PEX14: variants seen among roughly 807,000 people sequenced by gnomAD.
PEX14 encodes peroxisomal biogenesis factor 14.
PEX14 carries 15 observed loss-of-function variants against 49.5 expected under a neutral mutation model. The observed-to-expected ratio is 0.30, with a 90% confidence interval of 0.20 to 0.47. The LOEUF (loss-of-function observed/expected upper bound fraction) is 0.47, where lower values mean the gene tolerates loss of function less well. Among genes scored for constraint, PEX14 ranks in the 20% least tolerant of loss-of-function variants. The pLI is 1.00. For missense variants in PEX14, 398 were observed against 494.8 expected (o/e 0.80, Z 1.86); for synonymous variants, 210 against 212.7 (o/e 0.99, Z 0.11).
rs1464447733 is a variant in PEX14 at position 10,529,662 on chromosome 1, A to G, written c.85-6551A>G. Among the ~76,000 whole-genome samples the G allele has an allele frequency of 1.3e-5, 2 of 152,356 alleles. No individual in the cohort carries two copies. Among genetic ancestry groups the G allele is most frequent in the Non-Finnish European group, 1.5e-5 (1 of 68,028 alleles). On this transcript the variant is annotated intron_variant, in intron 2 of 8. Coordinates refer to ENST00000356607, the MANE Select transcript of PEX14 (RefSeq NM_004565.3). The surrounding 1 kb of genome is among the most constrained non-coding windows in gnomAD (Gnocchi z 4.2). ...CTTTTCATAAAGGCTTTTACTACAT[A>G]TATCAATGAGTTTTAAGAGAGACTA...
intron 1 of PEX14, among the ~76,000 whole-genome samples, chr1:10,483,622 G>A (rs1477308105): frequency 6.6e-6 from 1 of 151,232 alleles, no homozygotes; most frequent in East Asian, 1.9e-4. Context: ...GCCTGGCCAA[G>A]TTTTTTTTTA....
chr1:10,607,108 C>CT (rs926735187), intron 4 of PEX14, among the ~76,000 whole-genome samples: 1 of 151,750 alleles, frequency 6.6e-6, no homozygotes, highest in East Asian at 1.9e-4. Context: ...AGTTTTTTTT[C>CT]TTTTTTTAAT....
At chr1:10,530,740 C>CT (rs1302104187) in intron 2 of PEX14, among the ~76,000 whole-genome samples, 3 of 152,248 alleles carry the variant, frequency 2.0e-5, no homozygotes, top group African/African-American at 4.8e-5. Flanking sequence ...TGGAAGCTTT[C>CT]TTTCTCCCTT....
intron 3 of PEX14, among the ~76,000 whole-genome samples, chr1:10,543,237 C>T (rs568559987): frequency 6.6e-6 from 1 of 152,324 alleles, no homozygotes; most frequent in South Asian, 2.1e-4. Context: ...CAAGTTCAAG[C>T]GATTCATCTG....
intron 3 of PEX14, among the ~76,000 whole-genome samples, chr1:10,598,099 GT>G (rs1188406853): frequency 1.3e-5 from 2 of 152,244 alleles, no homozygotes; most frequent in Admixed American, 1.3e-4. Context: ...CCGACCAGAT[GT>G]GGAAAAGCTC....
chr1:10,588,349 T>C (rs1394778408), intron 3 of PEX14, among the ~76,000 whole-genome samples: 2 of 152,172 alleles, frequency 1.3e-5, no homozygotes, highest in Non-Finnish European at 2.9e-5. Context: ...GCTACATGTA[T>C]GCTTTTTATA....
At chr1:10,608,702 T>C (rs1426082605) in intron 4 of PEX14, among the ~76,000 whole-genome samples, 2 of 151,072 alleles carry the variant, frequency 1.3e-5, no homozygotes, top group Admixed American at 6.6e-5. Context: ...TGACTATATA[T>C]GAATGGGTCT....
At chr1:10,510,663 C>A (rs576161019) in intron 2 of PEX14, among the ~76,000 whole-genome samples, 1 of 152,130 alleles carries the variant, frequency 6.6e-6, no homozygotes, top group African/African-American at 2.4e-5. Context: ...GGGCATATAC[C>A]GTATTGCTCA....
chr1:10,589,495 C>G (rs913707190), intron 3 of PEX14, among the ~76,000 whole-genome samples: 3 of 152,212 alleles, frequency 2.0e-5, no homozygotes, highest in African/African-American at 7.2e-5. Context: ...CAAGCAATCC[C>G]CACCTCAGCC....
rs1557437340 is a variant in PEX14, at chr1:10,623,655, G to A, written c.487+534G>A. Among the ~76,000 whole-genome samples, 1 of 152,204 alleles carries A rather than the reference G, an allele frequency of 6.6e-6. No homozygotes were observed. Among genetic ancestry groups the A allele is most frequent in the Non-Finnish European group, 1.5e-5 (1 of 68,036 alleles). On this transcript the variant is annotated intron_variant, in intron 6 of 8. Coordinates refer to ENST00000356607, the MANE Select transcript of PEX14 (RefSeq NM_004565.3). This position sits in a 1 kb window ranked among gnomAD's most constrained non-coding sequence, Gnocchi z 4.4. ...CTCTTCTTTATAAACTTGTTTACTA[G>A]ACGGCAGCTCTGAATCTAAAAACCA...
intron 3 of PEX14, among the ~76,000 whole-genome samples, chr1:10,553,575 A>C (rs1234108865): frequency 6.6e-6 from 1 of 152,176 alleles, no homozygotes. Context: ...TTATGAAGCA[A>C]GTGTTATTTT....
intron 3 of PEX14, among the ~76,000 whole-genome samples, chr1:10,578,684 A>T (rs2128417): frequency 0.97 from 147,722 of 152,022 alleles, 71,909 homozygotes; most frequent in East Asian, 1. Flanking sequence ...AAAAAATGGG[A>T]GAAAGGGTAA....
chr1:10,515,195 G>C (rs1174184710), intron 2 of PEX14, among the ~76,000 whole-genome samples: 2 of 151,332 alleles, frequency 1.3e-5, no homozygotes, highest in African/African-American at 4.9e-5. Context: ...CACTTATTCA[G>C]ACTCTTAATA....
chr1:10,486,258 A>G (rs1211551229), intron 1 of PEX14, among the ~76,000 whole-genome samples: 1 of 151,858 alleles, frequency 6.6e-6, no homozygotes, highest in Non-Finnish European at 1.5e-5. Context: ...ATTTTGGGGG[A>G]AATATTTTTA....
At chr1:10,620,475 G>A (rs1334301682) in intron 5 of PEX14, among the ~76,000 whole-genome samples, 1 of 151,870 alleles carries the variant, frequency 6.6e-6, no homozygotes, top group African/African-American at 2.4e-5. Flanking sequence ...GCAACAGAAG[G>A]AGACCCTGTC....
intron 7 of PEX14, among the ~76,000 whole-genome samples, chr1:10,626,366 G>C (rs957284630): frequency 6.6e-6 from 1 of 152,228 alleles, no homozygotes; most frequent in Non-Finnish European, 1.5e-5. Flanking sequence ...ACCCTGAGGG[G>C]CTGTGTCTGG....
At chr1:10,516,124 C>T (rs1196879564) in intron 2 of PEX14, among the ~76,000 whole-genome samples, 4 of 152,140 alleles carry the variant, frequency 2.6e-5, no homozygotes, top group East Asian at 3.8e-4. Context: ...GGCAGAATAC[C>T]GAATGATCTA....
chr1:10,581,239 C>T (rs936639021), intron 3 of PEX14, among the ~76,000 whole-genome samples: 10 of 150,928 alleles, frequency 6.6e-5, no homozygotes, highest in Non-Finnish European at 1.3e-4. Flanking sequence ...CCCATGAGGG[C>T]AGAATGAAAC....
intron 1 of PEX14, among the ~76,000 whole-genome samples, chr1:10,493,780 A>G (rs1325759356): frequency 6.6e-6 from 1 of 152,190 alleles, no homozygotes; most frequent in Non-Finnish European, 1.5e-5. Context: ...GCGAGGGAGA[A>G]AGAGCTGTCT....
Sources: allele counts gnomAD v4.1 joint callset (sites outside exome capture counted in the v4.1 genomes callset), GRCh38; gene constraint gnomAD v4.1.1; non-coding constraint Gnocchi (gnomAD v3.1); transcripts MANE v1.5; gene names NCBI Gene and HGNC (gene_info 2026-07-23, HGNC 2026-07-21).